Variants in COL6A3 observed in about 807,000 individuals in gnomAD.
COL6A3 encodes the protein collagen alpha-3(VI) chain.
In COL6A3, 137 loss-of-function variants were observed where a neutral mutation model predicts 274.1. That is an observed-to-expected ratio of 0.50 (90% CI 0.44 to 0.58). The LOEUF is 0.58. COL6A3 is among the 20% of genes least tolerant of loss of function. The probability of loss-of-function intolerance (pLI) is 0.00; values close to 1 mark genes in which losing one functional copy is unlikely to be tolerated. For missense variants in COL6A3, 3,950 were observed against 4,124.9 expected (o/e 0.96, Z 1.16); for synonymous variants, 1,650 against 1,650.6 (o/e 1.00, Z 0.01).
In COL6A3 at chr2:237,340,933, G is replaced by A. The variant is rs375222168; in HGVS notation, c.7983C>T (p.Phe2661=). 3.3e-5 allele frequency: 54 copies of A among 1,613,334 alleles called. No homozygotes were observed. In the Middle Eastern group the frequency reaches 4.9e-4, roughly 15 times the overall value. The change falls in exon 38 of 44, where the codon TTC becomes TTT. Residue 2661 remains phenylalanine (F), a synonymous_variant. Transcript: ENST00000295550. ...CGTGCTGCACAACTGCCACTCTGGCGAAGTGCTGGGAGGCCTTGGGATCTG... is the reference window on the plus strand; with the variant it reads ...CGTGCTGCACAACTGCCACTCTGGCAAAGTGCTGGGAGGCCTTGGGATCTG... ...MSPDPKASQH[F]ARVAVVQHAP... is the part of the protein sequence containing the mutation.
chr2:237,377,243 T>C lies in COL6A3; in HGVS notation c.2599A>G (p.Asn867Asp). 3 of 1,612,038 alleles carry C rather than the reference T, an allele frequency of 1.9e-6. No individual in the cohort carries two copies. Among genetic ancestry groups the C allele is most frequent in the Non-Finnish European group, 2.5e-6 (3 of 1,180,008 alleles). The change falls in exon 7 of 44, where the codon AAT becomes GAT. Residue 867 changes from asparagine to aspartate, a missense_variant. Coordinates refer to ENST00000295550, the MANE Select transcript of COL6A3 (RefSeq NM_004369.4). ...ATTCGGGTCCCCTCTGGCTTCACAT[T>C]GAGCTCATCGATAATCTTGTAGAGA... is the stretch of plus-strand genomic sequence containing the variant. The part of the protein sequence containing the change: ...DFLYKIIDEL[N>D]VKPEGTRIAV...
At chr2:237,352,451 ACT>A in intron 26 of COL6A3, 69 bp downstream of exon 26, 2 of 1,451,874 alleles carry the variant, frequency 1.4e-6, no homozygotes, top group Non-Finnish European at 9.5e-7. Flanking sequence ...CATCCGAGAA[ACT>A]CTCTCAGCCT....
At position 237,336,237 on chromosome 2, in the gene COL6A3, G is replaced by T; in HGVS notation, c.8863C>A (p.Pro2955Thr). Reference protein sequence around the residue: ...VAAKPAAVRPPAAAAAKPVAT... With the variant: ...VAAKPAAVRPTAAAAAKPVAT... ...ACTGGTTTTGCAGCAGCAGCAGCGG[G>T]GGGTCTTACAGCTGCTGGCTTTGCT... Residue 2955 changes from proline (P) to threonine (T), a missense_variant, in exon 40 of 44, where the codon CCC (proline) becomes ACC (threonine). By Grantham distance (38) the Pro-to-Thr change is conservative (BLOSUM62 -1). Coordinates refer to ENST00000295550, the MANE Select transcript of COL6A3 (RefSeq NM_004369.4). 1.2e-6 allele frequency: 2 copies of T among 1,614,006 alleles called. No individual in the cohort carries two copies. Among genetic ancestry groups the T allele is most frequent in the East Asian group, 2.2e-5 (1 of 44,888 alleles).
rs1046441857 is a variant in COL6A3 at position 237,374,080 on chromosome 2, C to T, written c.3679+332G>A. 2.0e-5 allele frequency among the ~76,000 whole-genome samples: 3 copies of T among 152,178 alleles called. No individual in the cohort carries two copies. The highest frequency in any genetic ancestry group is 6.5e-5 in the Admixed American group (1 of 15,278). On this transcript the variant is annotated intron_variant, in intron 8 of 43. Transcript: ENST00000295550. The surrounding 1 kb of genome is among the most constrained non-coding windows in gnomAD (Gnocchi z 4.8). ...GGTCGCAGGACTGATACGCAACAGGCGTTATCAGTTAGACGGCCCCTCCCT... is the reference window on the plus strand; with the variant it reads ...GGTCGCAGGACTGATACGCAACAGGTGTTATCAGTTAGACGGCCCCTCCCT...
At position 237,360,159 on chromosome 2, in the gene COL6A3, C is replaced by T; in HGVS notation, c.6211G>A (p.Gly2071Ser). ...TTCACACCAGGCGGACCACGCTCAC[C>T]CTGTTGTGAGAGACAAAGGCATTTT... The part of the protein sequence containing the change: ...RGYPGDEGGP[G>S]ERGPPGVNGT... The change falls in exon 17 of 44, where the codon GGT becomes AGT. Residue 2071 changes from glycine to serine, a missense_variant and splice_region_variant. Gly to Ser is a moderately conservative substitution (Grantham distance 56). This residue lies in a region of COL6A3 where 92 missense variants were observed against 143.4 expected (regional missense o/e 0.64). Transcript: ENST00000295550. 1.2e-6 allele frequency: 2 copies of T among 1,614,164 alleles called. No homozygotes were observed. Among genetic ancestry groups the T allele is most frequent in the Non-Finnish European group, 1.7e-6 (2 of 1,180,028 alleles).
At position 237,324,185 on chromosome 2, in the gene COL6A3, G is replaced by C. The variant is rs1699812415; in HGVS notation, c.*589C>G. The C allele has an allele frequency of 6.6e-6, 1 of 151,960 alleles. No individual in the cohort carries two copies. The highest frequency in any genetic ancestry group is 2.1e-4 in the South Asian group (1 of 4,812). 9.4% of individuals were successfully genotyped at this position (151,960 alleles called of 1,614,324 possible). On this transcript the variant is annotated 3_prime_UTR_variant, in exon 44 of 44. Coordinates refer to ENST00000295550, the MANE Select transcript of COL6A3 (RefSeq NM_004369.4). ...AACTTTTTTAAATTCTTTAATTAAG[G>C]CATTGGTCCCAACGGTGCACATAGA...
At chr2:237,348,548 T>A in intron 29 of COL6A3, 65 bp downstream of exon 29, 2 of 1,506,730 alleles carry the variant, frequency 1.3e-6, no homozygotes, top group Non-Finnish European at 1.8e-6. Flanking sequence ...ACACAACACA[T>A]CAGAAGTTGT....
At position 237,368,949 on chromosome 2, in the gene COL6A3, C is replaced by T. The variant is rs754840728; in HGVS notation, c.4514G>A (p.Arg1505His). Residue 1505 changes from arginine to histidine, a missense_variant, in exon 10 of 44, where the codon CGC becomes CAC. Coordinates refer to ENST00000295550, the MANE Select transcript of COL6A3 (RefSeq NM_004369.4). The surrounding 1 kb of genome is among the most constrained non-coding windows in gnomAD (Gnocchi z 4.4). The stretch of plus-strand genomic sequence containing the variant: ...TGGGGACCCCCCTCTGAGCCTCAGG[C>T]GCCGTATGGCGTCCAGCACCGGGGC... ...SQAPVLDAIRRLRLRGGSPLN... is the reference protein window; with the variant it reads ...SQAPVLDAIRHLRLRGGSPLN... 1.1e-5 allele frequency: 17 copies of T among 1,614,060 alleles called. No individual in the cohort carries two copies. In the East Asian group the frequency reaches 1.1e-4, roughly 11 times the overall value.
intron 1 of COL6A3, among the ~76,000 whole-genome samples, chr2:237,406,694 G>A (rs530410811): frequency 5.3e-5 from 8 of 152,128 alleles, no homozygotes; most frequent in Admixed American, 5.2e-4. Flanking sequence ...CTTTTCCTCA[G>A]GGAGGAAGCT....
rs753504530 is a variant in COL6A3 at position 237,368,765 on chromosome 2, C to G, written c.4698G>C (p.Ser1566=). ...CTCCTACCCCTAAACTCACAATGCC[C>G]GAGGAACGGATCACCTGGGCGAACC... ...VSRFAQVIRS[S]GIVSLGVGDR... is the part of the protein sequence containing the mutation. The change falls in exon 10 of 44, where the codon TCG becomes TCC. Residue 1566 remains serine (S), a synonymous_variant. Coordinates refer to ENST00000295550, the MANE Select transcript of COL6A3 (RefSeq NM_004369.4). The surrounding 1 kb of genome is among the most constrained non-coding windows in gnomAD (Gnocchi z 4.4). The G allele has an allele frequency of 1.2e-6, 2 of 1,614,166 alleles. No homozygotes were observed. Among genetic ancestry groups the G allele is most frequent in the Non-Finnish European group, 1.7e-6 (2 of 1,180,036 alleles).
chr2:237,343,780 G>A, intron 36 of COL6A3: 1 of 177,996 alleles, frequency 5.6e-6, no homozygotes, highest in African/African-American at 2.4e-5. Flanking sequence ...GGGCCGATTG[G>A]GACAGAGTGG....
chr2:237,375,396 G>A (rs2077810743), intron 7 of COL6A3, among the ~76,000 whole-genome samples: 1 of 152,194 alleles, frequency 6.6e-6, no homozygotes, highest in Admixed American at 6.5e-5. Context: ...GAAAAGGTGA[G>A]CAGATGAAGA....
intron 22 of COL6A3, 48 bp from the exon 23 acceptor site, chr2:237,357,439 G>A: frequency 1.3e-6 from 2 of 1,501,162 alleles, no homozygotes; most frequent in Non-Finnish European, 1.9e-6. Context: ...AGAGAAGAAT[G>A]TCTAGCTCTG....
At chr2:237,348,505 A>G in intron 29 of COL6A3, 108 bp downstream of exon 29, 1 of 1,383,520 alleles carries the variant, frequency 7.2e-7, no homozygotes, top group South Asian at 1.2e-5. Flanking sequence ...ACTCAAATAC[A>G]AAGACAATTT....
At chr2:237,352,476 GC>G (rs1391637352) in intron 26 of COL6A3, 45 bp downstream of exon 26, 1 of 1,547,812 alleles carries the variant, frequency 6.5e-7, no homozygotes, top group Admixed American at 1.7e-5. Context: ...TTGGCAATGT[GC>G]CCTCTGTTCA....
rs2076928246 is a variant in COL6A3 at position 237,339,027 on chromosome 2, C to T, written c.8555G>A (p.Gly2852Asp). ...DQPTKNLVKF[G>D]HKQVNVPNNV... Reference sequence around the variant, plus strand: ...TATAATCACTTACACTTGTTTGTGACCAAACTTCACAAGGTTCTTTGTGGG... The same window carrying T: ...TATAATCACTTACACTTGTTTGTGATCAAACTTCACAAGGTTCTTTGTGGG... Residue 2852 changes from glycine to aspartate, a missense_variant, in exon 39 of 44, where the codon GGT (glycine) becomes GAT (aspartate). Gly to Asp is a moderately conservative substitution (Grantham distance 94). Transcript: ENST00000295550. 1 of 1,613,496 alleles carries T rather than the reference C, an allele frequency of 6.2e-7. No individual in the cohort carries two copies. The highest frequency in any genetic ancestry group is 1.3e-5 in the African/African-American group (1 of 74,914).
chr2:237,327,612 G>C (rs1700018542), intron 42 of COL6A3: 1 of 152,174 alleles, frequency 6.6e-6, no homozygotes, highest in Non-Finnish European at 1.5e-5. Flanking sequence ...TGGACAAGAA[G>C]ATATTTGGAA....
rs2106370154 is a variant in COL6A3, at chr2:237,381,279, A to G, written c.1533T>C (p.Ala511=). The G allele has an allele frequency of 6.2e-7, 1 of 1,614,258 alleles. No homozygotes were observed. Among genetic ancestry groups the G allele is most frequent in the Non-Finnish European group, 8.5e-7 (1 of 1,180,048 alleles). ...THPTKREVIT[A]VRKMKPLDGS... ...CGTCCAGGGGCTTCATTTTCCGCAC[A>G]GCGGTTATGACTTCCCTTTTTGTTG... is the stretch of plus-strand genomic sequence containing the variant. Residue 511 remains alanine, a synonymous_variant, in exon 5 of 44, where the codon GCT becomes GCC. Transcript: ENST00000295550.
At chr2:237,342,751 C>CA (rs1337811416) in intron 36 of COL6A3, 1 of 158,460 alleles carries the variant, frequency 6.3e-6, no homozygotes, top group African/African-American at 2.4e-5. Context: ...CTAAGAAACT[C>CA]ACGTGGTTCT....
Sources: allele counts gnomAD v4.1 joint callset (sites outside exome capture counted in the v4.1 genomes callset), GRCh38; gene constraint gnomAD v4.1.1; regional missense constraint gnomAD v4.1.1; non-coding constraint Gnocchi (gnomAD v3.1); transcripts MANE v1.5; gene names NCBI Gene and HGNC (gene_info 2026-07-23, HGNC 2026-07-21).